The following CMTM4 variants were observed in gnomAD, a reference collection of about 807,000 sequenced individuals.
CMTM4 encodes CKLF like MARVEL transmembrane domain containing 4.
In CMTM4, 8 loss-of-function variants were observed where a neutral mutation model predicts 19.0. The observed-to-expected ratio is 0.42, with a 90% CI of 0.25 to 0.76. The LOEUF (loss-of-function observed/expected upper bound fraction) is 0.76. Ranked by LOEUF, CMTM4 falls within the 30% of genes least tolerant of loss-of-function variation. CMTM4 has a pLI of 0.27. For missense variants in CMTM4, 228 were observed against 290.2 expected, an observed-to-expected ratio of 0.79 and a Z score of 1.56; for synonymous variants, 106 against 121.1, an observed-to-expected ratio of 0.88 and a Z score of 0.82.
In CMTM4 at chr16:66,655,186, G is replaced by A. The variant is rs149632586; in HGVS notation, c.187-18605C>T. Among the ~76,000 whole-genome samples the A allele has an allele frequency of 9.2e-5, 14 of 152,234 alleles. No homozygotes were observed. In the East Asian group the frequency reaches 2.5e-3, roughly 27 times the overall value. ...TTTTGTAGAGACAGGATTTCGCCAT[G>A]TTGCCAAGGCTGGGACTCAAGCAAT... is the stretch of plus-strand genomic sequence containing the variant. On this transcript the variant is annotated intron_variant, in intron 1 of 3. Coordinates refer to ENST00000394106, the MANE Select transcript of CMTM4 (RefSeq NM_181521.3).
intron 1 of CMTM4, among the ~76,000 whole-genome samples, chr16:66,669,094 T>C (rs1044700775): frequency 6.6e-6 from 1 of 152,174 alleles, no homozygotes; most frequent in African/African-American, 2.4e-5. Flanking sequence ...AAATGCCCTT[T>C]AACAGGTGAA....
At chr16:66,670,489 T>G (rs985883446) in intron 1 of CMTM4, among the ~76,000 whole-genome samples, 3 of 147,350 alleles carry the variant, frequency 2.0e-5, no homozygotes, top group African/African-American at 7.5e-5. Context: ...TATATTGCAC[T>G]TCCATAAAAA....
downstream of CMTM4, chr16:66,614,671 A>G (rs2015491619): frequency 6.6e-6 from 1 of 152,216 alleles, no homozygotes; most frequent in Non-Finnish European, 1.5e-5. The surrounding 1 kb of genome is among the most constrained non-coding windows in gnomAD (Gnocchi z 4.9). Flanking sequence ...ACCTCCACAC[A>G]GCAGCCCTAT....
chr16:66,619,769 A>G lies in CMTM4; in HGVS notation c.*2289T>C. Reference sequence around the variant, plus strand: ...TAGTGGGAGTTAATTAAATACAAGGAGAACATTTACAAAACCACCGAGGAG... The same window carrying G: ...TAGTGGGAGTTAATTAAATACAAGGGGAACATTTACAAAACCACCGAGGAG... On this transcript the variant is annotated 3_prime_UTR_variant, in exon 4 of 4. Transcript: ENST00000394106. The G allele has an allele frequency of 1.0e-6, 1 of 985,350 alleles. No individual in the cohort carries two copies. Among genetic ancestry groups the G allele is most frequent in the Non-Finnish European group, 1.2e-6 (1 of 829,896 alleles). 61.0% of individuals were successfully genotyped at this position (985,350 alleles called of 1,614,324 possible).
intron 2 of CMTM4, among the ~76,000 whole-genome samples, chr16:66,633,653 A>C (rs1262476869): frequency 3.3e-5 from 5 of 152,062 alleles, no homozygotes; most frequent in African/African-American, 7.2e-5. Flanking sequence ...CCTCGTCTCT[A>C]TTAAAAATAC....
At chr16:66,664,973 A>C (rs2016566001) in intron 1 of CMTM4, among the ~76,000 whole-genome samples, 1 of 151,844 alleles carries the variant, frequency 6.6e-6, no homozygotes, top group Non-Finnish European at 1.5e-5. Flanking sequence ...TCCGAGAGAG[A>C]GTCTCCCTCT....
chr16:66,661,847 T>G (rs2016504689), intron 1 of CMTM4, among the ~76,000 whole-genome samples: 1 of 152,060 alleles, frequency 6.6e-6, no homozygotes, highest in Admixed American at 6.6e-5. Context: ...GCAGGAGAAT[T>G]GCGTGAACTC....
chr16:66,671,389 G>A (rs893245508), intron 1 of CMTM4, among the ~76,000 whole-genome samples: 3 of 152,204 alleles, frequency 2.0e-5, no homozygotes, highest in Admixed American at 1.3e-4. Context: ...AAACAAAGAC[G>A]GGAGTGGGCC....
At position 66,623,449 on chromosome 16, in the gene CMTM4, T is replaced by C; in HGVS notation, c.417A>G (p.Val139=). The C allele has an allele frequency of 3.1e-6, 5 of 1,614,048 alleles. No individual in the cohort carries two copies. The highest frequency in any genetic ancestry group is 4.2e-6 in the Non-Finnish European group (5 of 1,180,004). ...SAFLFFIASI[V]LAALNHRAGA... is the part of the protein sequence containing the mutation. ...CGGCTCTATGGTTTAAAGCAGCCAG[T>C]ACGATTGAAGCAATAAAGAAAAGGA... The change falls in exon 3 of 4, where the codon GTA becomes GTG. Residue 139 remains valine, a synonymous_variant. Transcript: ENST00000394106.
chr16:66,669,485 G>A (rs1187960733), intron 1 of CMTM4, among the ~76,000 whole-genome samples: 28 of 146,824 alleles, frequency 1.9e-4, no homozygotes, highest in Non-Finnish European at 3.6e-4. Flanking sequence ...AAAAAAAAAA[G>A]AGCATGTGAA....
chr16:66,680,356 G>A (rs1271009078), intron 1 of CMTM4, among the ~76,000 whole-genome samples: 1 of 151,870 alleles, frequency 6.6e-6, no homozygotes, highest in African/African-American at 2.4e-5. Flanking sequence ...GTGGGTGCCT[G>A]TAATCCCAGC....
downstream of CMTM4, chr16:66,611,021 A>G (rs964712237): frequency 2.5e-6 from 1 of 397,504 alleles, no homozygotes. Context: ...ATCCCAGACA[A>G]CCAGCCCAGG....
At position 66,618,120 on chromosome 16, in the gene CMTM4, T is replaced by C; in HGVS notation, c.*3938A>G. Reference sequence around the variant, plus strand: ...AGACAAACCTGGAAAAAACCCTGGATTCTGCAACTTCACTAGGAAATAACA... The same window carrying C: ...AGACAAACCTGGAAAAAACCCTGGACTCTGCAACTTCACTAGGAAATAACA... On this transcript the variant is annotated 3_prime_UTR_variant, in exon 4 of 4. Transcript: ENST00000394106. 14 of 985,456 alleles carry C rather than the reference T, an allele frequency of 1.4e-5. No homozygotes were observed. Among genetic ancestry groups the C allele is most frequent in the Non-Finnish European group, 1.7e-5 (14 of 829,966 alleles). The allele number at this position is 985,456 out of a possible 1,614,324, so 61.0% of individuals were successfully genotyped here. A position where few individuals can be genotyped will look rare whatever the true frequency, so the allele number is the denominator to read the frequency against.
intron 1 of CMTM4, among the ~76,000 whole-genome samples, chr16:66,663,127 C>T (rs979743440): frequency 2.6e-4 from 39 of 152,184 alleles, no homozygotes; most frequent in African/African-American, 9.2e-4. Flanking sequence ...AGGTTGATTG[C>T]TTTCGAAAAC....
At chr16:66,660,008 T>C (rs1204241989) in intron 1 of CMTM4, among the ~76,000 whole-genome samples, 2 of 152,142 alleles carry the variant, frequency 1.3e-5, no homozygotes, top group Non-Finnish European at 2.9e-5. Flanking sequence ...GTAAAAGATA[T>C]GAGCACATCA....
chr16:66,671,501 C>T (rs1596951628), intron 1 of CMTM4, among the ~76,000 whole-genome samples: 1 of 152,180 alleles, frequency 6.6e-6, no homozygotes, highest in Admixed American at 6.5e-5. Flanking sequence ...AAAACATCAG[C>T]GGGCTCACTG....
At chr16:66,679,031 A>G (rs1434809408) in intron 1 of CMTM4, among the ~76,000 whole-genome samples, 1 of 151,784 alleles carries the variant, frequency 6.6e-6, no homozygotes, top group Non-Finnish European at 1.5e-5. Flanking sequence ...CCCAGGAGAC[A>G]GAGGTTGCAG....
intron 2 of CMTM4, among the ~76,000 whole-genome samples, chr16:66,623,728 C>A (rs2015682535): frequency 6.6e-6 from 1 of 152,166 alleles, no homozygotes. Flanking sequence ...TTTCACCAAC[C>A]CCACTACCCT....
chr16:66,681,647 T>C (rs1435649640), intron 1 of CMTM4, among the ~76,000 whole-genome samples: 1 of 152,164 alleles, frequency 6.6e-6, no homozygotes, highest in Non-Finnish European at 1.5e-5. Context: ...TTTGTATTTA[T>C]GCATATCTCA....
Sources: allele counts gnomAD v4.1 joint callset (sites outside exome capture counted in the v4.1 genomes callset), GRCh38; gene constraint gnomAD v4.1.1; non-coding constraint Gnocchi (gnomAD v3.1); transcripts MANE v1.5; gene names NCBI Gene and HGNC (gene_info 2026-07-23, HGNC 2026-07-21).